Variants in RP1L1 observed in about 807,000 individuals in gnomAD.
RP1L1 encodes retinitis pigmentosa 1-like 1 protein.
In RP1L1, 27 loss-of-function variants were observed where a neutral mutation model predicts 15.7. The ratio of observed to expected loss-of-function variants is 1.72; its 90% confidence interval spans 1.27 to 2.38. The LOEUF is 2.38. Ranked by LOEUF, RP1L1 falls within the 30% of genes most tolerant of loss-of-function variation. The probability of loss-of-function intolerance (pLI) is 0.00; values close to 1 mark genes in which losing one functional copy is unlikely to be tolerated. For missense variants in RP1L1, 4,798 were observed against 3,075.9 expected (o/e 1.56, Z -13.24); for synonymous variants, 1,813 against 1,276.7 (o/e 1.42, Z -8.96).
At position 10,609,805 on chromosome 8, in the gene RP1L1, T is replaced by G; in HGVS notation, c.4293A>C (p.Glu1431Asp). The stretch of plus-strand genomic sequence containing the variant: ...CTGCAGAGGCAGAGGCTCTTCCTGC[T>G]TCCTCCTCCTGGACTGGGTCATCTT... ...SQEDDPVQEE[E>D]AGRASASAEP... Residue 1431 changes from glutamate to aspartate, a missense_variant, in exon 4 of 4, where the codon GAA (glutamate) becomes GAC (aspartate). Transcript: ENST00000382483. The G allele has an allele frequency of 6.2e-7, 1 of 1,614,028 alleles. No homozygotes were observed. Among genetic ancestry groups the G allele is most frequent in the Middle Eastern group, 1.6e-4 (1 of 6,062 alleles).
rs868693287 is a variant in RP1L1 at position 10,635,993 on chromosome 8, C to T, written c.-19-12773G>A. ...AGAGCACAGGGAGCTGGGGTGGGGA[C>T]GCGAGTCTGGCTCTCTGCCACAGAT... is the stretch of plus-strand genomic sequence containing the variant. On this transcript the variant is annotated intron_variant, in intron 1 of 3. Coordinates refer to ENST00000382483, the MANE Select transcript of RP1L1 (RefSeq NM_178857.6). 2.6e-5 allele frequency among the ~76,000 whole-genome samples: 4 copies of T among 152,314 alleles called. 1 individual carries two copies. The highest frequency in any genetic ancestry group is 6.8e-3 in the Middle Eastern group (2 of 294).
In RP1L1 at chr8:10,610,882, C is replaced by G. The variant is rs1301393951; in HGVS notation, c.3216G>C (p.Leu1072=). 6.2e-7 allele frequency: 1 copy of G among 1,609,288 alleles called. No homozygotes were observed. Among genetic ancestry groups the G allele is most frequent in the South Asian group, 1.1e-5 (1 of 90,920 alleles). The change falls in exon 4 of 4, where the codon CTG becomes CTC. Residue 1072 remains leucine, a synonymous_variant. Transcript: ENST00000382483. The part of the protein sequence containing the change: ...REAPAGCRVS[L]RALPGRVSAS... ...CAGACACCCGGCCAGGAAGTGCCCG[C>G]AGGCTCACCCTGCAGCCTGCTGGGG... is the stretch of plus-strand genomic sequence containing the variant.
intron 1 of RP1L1, among the ~76,000 whole-genome samples, chr8:10,650,028 C>T (rs1215639647): frequency 6.6e-6 from 1 of 152,134 alleles, no homozygotes; most frequent in African/African-American, 2.4e-5. Context: ...TTGTAGGGCA[C>T]GTGATCCAAC....
Position 10,608,232 on chromosome 8 carries a change from G to T in RP1L1, c.5866C>A (p.Pro1956Thr), listed in dbSNP as rs1229889017. 3.2e-6 allele frequency: 5 copies of T among 1,563,766 alleles called. No individual in the cohort carries two copies. The highest frequency in any genetic ancestry group is 2.3e-5 in the East Asian group (1 of 43,072). The change falls in exon 4 of 4, where the codon CCA (proline) becomes ACA (threonine). Residue 1956 changes from proline (P) to threonine (T), a missense_variant. Transcript: ENST00000382483. ...TGGGACTCTATAACTTCTGACTCTG[G>T]CTGGGTCTGCCCTTCTGCCTCCTGG... ...AAQEAEGQTQ[P>T]ESEVIESQEA...
In RP1L1 at chr8:10,621,673, G is replaced by C. The variant is rs770642661; in HGVS notation, c.609+920C>G. ...GTGGAATGGTGCATACAGATGTTAAGGAGCAACAGGACTGAATCTTGAGGA... is the reference window on the plus strand; with the variant it reads ...GTGGAATGGTGCATACAGATGTTAACGAGCAACAGGACTGAATCTTGAGGA... On this transcript the variant is annotated intron_variant, in intron 2 of 3. Coordinates refer to ENST00000382483, the MANE Select transcript of RP1L1 (RefSeq NM_178857.6). The C allele has an allele frequency of 6.3e-6, 3 of 479,570 alleles. No homozygotes were observed. In the East Asian group the frequency reaches 1.8e-4, roughly 28 times the overall value. The allele number at this position is 479,570 out of a possible 1,614,324, so 29.7% of individuals were successfully genotyped here.
chr8:10,611,802 C>T lies in RP1L1; in HGVS notation c.2296G>A (p.Ala766Thr), dbSNP rs375957587. 3.0e-5 allele frequency: 49 copies of T among 1,613,538 alleles called. No individual in the cohort carries two copies. The highest frequency in any genetic ancestry group is 1.7e-4 in the Admixed American group (10 of 60,018). ...NAPSAGWAGD[A>T]GSRTCSPAPI... The stretch of plus-strand genomic sequence containing the variant: ...GCCGGCGAGCATGTCCTGGACCCCG[C>T]GTCCCCTGCCCACCCGGCAGAGGGA... The change falls in exon 4 of 4, where the codon GCG becomes ACG. Residue 766 changes from alanine (A) to threonine (T), a missense_variant. Ala to Thr is a moderately conservative substitution (Grantham distance 58). Coordinates refer to ENST00000382483, the MANE Select transcript of RP1L1 (RefSeq NM_178857.6).
Position 10,607,566 on chromosome 8 carries a change from C to G in RP1L1, c.6532G>C (p.Glu2178Gln). 6.4e-7 allele frequency: 1 copy of G among 1,568,046 alleles called. No individual in the cohort carries two copies. ...TCTGCCTCTGGGGCCTCTACACCTT[C>G]TAACTCTGGTTGGGCCTCCTCTTCA... ...EAEEEAQPEL[E>Q]GVEAPEAEGE... Residue 2178 changes from glutamate (E) to glutamine (Q), a missense_variant, in exon 4 of 4, where the codon GAA (glutamate) becomes CAA (glutamine). Transcript: ENST00000382483.
Position 10,610,016 on chromosome 8 carries a change from T to A in RP1L1, c.4082A>T (p.Glu1361Val), listed in dbSNP as rs759958687. 4.5e-6 allele frequency: 7 copies of A among 1,568,438 alleles called. 1 individual carries two copies. In the African/African-American group the frequency reaches 5.7e-5, roughly 13 times the overall value. Residue 1361 changes from glutamate (E) to valine (V), a missense_variant, in exon 4 of 4, where the codon GAA becomes GTA. By Grantham distance (121) the Glu-to-Val change is moderately radical. Coordinates refer to ENST00000382483, the MANE Select transcript of RP1L1 (RefSeq NM_178857.6). ...TTCTTGCAGCCCTTCTCCTCCTGTT[T>A]CTTCAATTTCCTCTAACTGCGCCTC... is the stretch of plus-strand genomic sequence containing the variant. ...EEEAQLEEIE[E>V]TGGEGLQEEG...
At chr8:10,633,761 A>G (rs1335895676) in intron 1 of RP1L1, among the ~76,000 whole-genome samples, 1 of 152,194 alleles carries the variant, frequency 6.6e-6, no homozygotes, top group South Asian at 2.1e-4. Flanking sequence ...AGCTTCAGTA[A>G]CCACTGCTTC....
intron 1 of RP1L1, among the ~76,000 whole-genome samples, chr8:10,638,990 A>AAAAAAT (rs1798369646): frequency 6.6e-6 from 1 of 152,066 alleles, no homozygotes; most frequent in South Asian, 2.1e-4. Flanking sequence ...ACTAAAAAAT[A>AAAAAAT]AAAAATTAGC....
intron 1 of RP1L1, among the ~76,000 whole-genome samples, chr8:10,639,103 C>T (rs992862165): frequency 6.6e-5 from 10 of 151,730 alleles, no homozygotes; most frequent in Non-Finnish European, 1.5e-5. Flanking sequence ...CGAGATCGGA[C>T]CCTGCACTCT....
intron 1 of RP1L1, among the ~76,000 whole-genome samples, chr8:10,637,912 T>C (rs536690145): frequency 3.7e-4 from 57 of 152,272 alleles, no homozygotes; most frequent in Non-Finnish European, 7.5e-4. Flanking sequence ...ATCCTTCTGA[T>C]AAGGAGCTAG....
chr8:10,612,938 C>A lies in RP1L1; in HGVS notation c.1160G>T (p.Cys387Phe), dbSNP rs372339970. The A allele has an allele frequency of 6.2e-7, 1 of 1,612,292 alleles. No homozygotes were observed. Among genetic ancestry groups the A allele is most frequent in the Non-Finnish European group, 8.5e-7 (1 of 1,179,724 alleles). ...SEPGVWGPRP[C>F]RVGCREVFGR... ...AAAGACTTCCCTGCATCCCACCCTG[C>A]AGGGCCGGGGTCCCCACACCCCAGG... Residue 387 changes from cysteine to phenylalanine, a missense_variant, in exon 4 of 4, where the codon TGC becomes TTC. Physicochemically the swap from Cys to Phe is radical, Grantham distance 205. Coordinates refer to ENST00000382483, the MANE Select transcript of RP1L1 (RefSeq NM_178857.6).
Position 10,610,954 on chromosome 8 carries a change from T to C in RP1L1, c.3144A>G (p.Pro1048=), listed in dbSNP as rs1797837331. 3.1e-6 allele frequency: 5 copies of C among 1,612,068 alleles called. No individual in the cohort carries two copies. The East Asian group carries it at 8.9e-5, about 29-fold the overall frequency. The part of the protein sequence containing the change: ...SGEGVPQGAA[P]EGVSEAPAEA... ...CTGCAGGGGCCTCGGAAACTCCCTC[T>C]GGAGCTGCCCCTTGGGGGACACCCT... is the stretch of plus-strand genomic sequence containing the variant. Residue 1048 remains proline (P), a synonymous_variant, in exon 4 of 4, where the codon CCA becomes CCG. Coordinates refer to ENST00000382483, the MANE Select transcript of RP1L1 (RefSeq NM_178857.6).
intron 1 of RP1L1, among the ~76,000 whole-genome samples, chr8:10,650,292 C>T (rs1050050925): frequency 6.6e-6 from 1 of 152,206 alleles, no homozygotes; most frequent in Admixed American, 6.5e-5. Flanking sequence ...CCACATTCTT[C>T]AAGCCACTTT....
In RP1L1 at chr8:10,622,696, A is replaced by G. The variant is rs759265325; in HGVS notation, c.506T>C (p.Val169Ala). 2 of 1,613,988 alleles carry G rather than the reference A, an allele frequency of 1.2e-6. No individual in the cohort carries two copies. The highest frequency in any genetic ancestry group is 1.7e-6 in the Non-Finnish European group (2 of 1,180,018). ...GTTCCTAGTATTCCTGTGACTGAGA[A>G]CCACTGTCTGCTGGAGGCGAGGGTC... ...NMDPRLQQTV[V>A]LSHRNTRNLA... The change falls in exon 2 of 4, where the codon GTT becomes GCT. Residue 169 changes from valine to alanine, a missense_variant. Transcript: ENST00000382483.
At chr8:10,632,259 G>A (rs1344141917) in intron 1 of RP1L1, among the ~76,000 whole-genome samples, 1 of 152,146 alleles carries the variant, frequency 6.6e-6, no homozygotes, top group Non-Finnish European at 1.5e-5. Context: ...GCTATAACTG[G>A]GCAATACTCT....
intron 1 of RP1L1, among the ~76,000 whole-genome samples, chr8:10,635,595 T>C (rs762364815): frequency 6.6e-6 from 1 of 151,834 alleles, no homozygotes; most frequent in Non-Finnish European, 1.5e-5. Context: ...GACCGTGGAA[T>C]TGAGAAAGGG....
Position 10,610,383 on chromosome 8 carries a change from GC to G in RP1L1, c.3714del (p.Arg1238SerfsTer25). 3 of 1,614,106 alleles carry G rather than the reference GC, an allele frequency of 1.9e-6. No homozygotes were observed. Among genetic ancestry groups the G allele is most frequent in the Non-Finnish European group, 2.5e-6 (3 of 1,180,044 alleles). ...TELPLKTSNQ[R>X]PDSRTYESPG... is the part of the protein sequence containing the mutation. Reference sequence around the variant, plus strand: ...GGGCTCTCATAAGTTCTTGAATCAGGCCTCTGGTTGGAGGTTTTCAGGGGCA... The same window carrying G: ...GGGCTCTCATAAGTTCTTGAATCAGGCTCTGGTTGGAGGTTTTCAGGGGCA... On this transcript the variant is annotated frameshift_variant, in exon 4 of 4. Coordinates refer to ENST00000382483, the MANE Select transcript of RP1L1 (RefSeq NM_178857.6). LOFTEE classifies it low-confidence loss of function (END_TRUNC).
Sources: gnomAD v4.1 joint callset for allele counts (sites outside exome capture counted in the v4.1 genomes callset) on GRCh38, gnomAD v4.1.1 for gene constraint, MANE v1.5 for transcripts, NCBI Gene and HGNC (gene_info 2026-07-23, HGNC 2026-07-21) for gene names.